The following STARD9 variants were observed in gnomAD, a reference collection of about 807,000 sequenced individuals.
The protein encoded by STARD9 is stAR-related lipid transfer protein 9.
A neutral mutation model predicts 399.8 loss-of-function variants in STARD9; 346 were observed. That is an observed-to-expected ratio of 0.87 (90% CI 0.79 to 0.95). The LOEUF is 0.95. STARD9 is among the 40% of genes least tolerant of loss of function. The pLI is 0.00. For synonymous variants in STARD9, 2,203 were observed against 2,143.5 expected, an observed-to-expected ratio of 1.03 and a Z score of -0.77; for missense variants, 5,832 against 5,667.5, an observed-to-expected ratio of 1.03 and a Z score of -0.93.
At chr15:42,589,340 C>A (rs1388783503) in intron 3 of STARD9, among the ~76,000 whole-genome samples, 1 of 152,160 alleles carries the variant, frequency 6.6e-6, no homozygotes, top group Non-Finnish European at 1.5e-5. Flanking sequence ...GCATGAGTCA[C>A]CACGCTTGGC....
At chr15:42,611,716 A>G (rs2058853656) in intron 3 of STARD9, among the ~76,000 whole-genome samples, 1 of 152,106 alleles carries the variant, frequency 6.6e-6, no homozygotes, top group African/African-American at 2.4e-5. Flanking sequence ...TAAACTTGCC[A>G]TTGTATTAGG....
At chr15:42,716,644 C>T in intron 26 of STARD9, 33 bp from the exon 27 acceptor site, 1 of 1,376,482 alleles carries the variant, frequency 7.3e-7, no homozygotes, top group Non-Finnish European at 1.0e-6. Flanking sequence ...TGCTTGCCTT[C>T]TGGCTCTGTC....
At chr15:42,702,296 C>T (rs1469664787) in intron 26 of STARD9, among the ~76,000 whole-genome samples, 13 of 152,026 alleles carry the variant, frequency 8.6e-5, no homozygotes, top group Non-Finnish European at 1.5e-5. Context: ...CTCTGCCTCC[C>T]GGGTTCAAAT....
Position 42,718,114 on chromosome 15 carries a change from C to T in STARD9, c.13697C>T (p.Pro4566Leu), listed in dbSNP as rs1357070170. 2.6e-6 allele frequency: 4 copies of T among 1,537,208 alleles called. No individual in the cohort carries two copies. The African/African-American group carries it at 5.5e-5, about 21-fold the overall frequency. ...GCTGTCAGTGACCCCACTGTGTGGC[C>T]CCTGTATTACAAGCCCATCCAGACA... ...WAAVSDPTVW[P>L]LYYKPIQTAR... is the part of the protein sequence containing the mutation. Residue 4566 changes from proline (P) to leucine (L), a missense_variant, in exon 30 of 33, where the codon CCC becomes CTC. Coordinates refer to ENST00000290607, the MANE Select transcript of STARD9 (RefSeq NM_020759.3).
At chr15:42,619,607 C>A (rs1204288552) in intron 3 of STARD9, among the ~76,000 whole-genome samples, 1 of 151,822 alleles carries the variant, frequency 6.6e-6, no homozygotes, top group Non-Finnish European at 1.5e-5. Flanking sequence ...CTCGCAGGCA[C>A]CTGTGCAGTT....
At chr15:42,638,646 G>T in intron 6 of STARD9, 54 bp from the exon 7 acceptor site, 2 of 1,282,520 alleles carry the variant, frequency 1.6e-6, no homozygotes, top group Non-Finnish European at 2.2e-6. Flanking sequence ...GCTCAATGTT[G>T]TTTCTACTTT....
At chr15:42,673,624 A>C (rs2060247773) in intron 16 of STARD9, among the ~76,000 whole-genome samples, 1 of 152,196 alleles carries the variant, frequency 6.6e-6, no homozygotes, top group East Asian at 1.9e-4. Flanking sequence ...TTAAAGGATA[A>C]AGTAATATGA....
At chr15:42,699,398 T>C (rs1038471209) in intron 26 of STARD9, among the ~76,000 whole-genome samples, 5 of 140,170 alleles carry the variant, frequency 3.6e-5, no homozygotes, top group South Asian at 2.2e-4. Context: ...TTTTCTTTTT[T>C]TTTTTTTTTT....
rs200378215 is a variant in STARD9, at chr15:42,663,618, A to G, written c.1078+128A>G. ...GGGACTGGTACTCTATCTCAGAGAA[A>G]GGGCCATGGCCCCAGTGAGTGGGAT... On this transcript the variant is annotated intron_variant, in intron 12 of 32. Transcript: ENST00000290607. 3.3e-3 allele frequency: 2,036 copies of G among 615,146 alleles called. 9 individuals are homozygous for G. The highest frequency in any genetic ancestry group is 4.8e-3 in the Non-Finnish European group (1,677 of 347,898). The allele number at this position is 615,146 out of a possible 1,614,324, so 38.1% of individuals were successfully genotyped here. A position where few individuals can be genotyped will look rare whatever the true frequency, so the allele number is the denominator to read the frequency against.
rs115890477 is a variant in STARD9, at chr15:42,717,739, T to C, written c.13503T>C (p.Ala4501=). The C allele has an allele frequency of 6.5e-7, 1 of 1,537,228 alleles. No homozygotes were observed. Among genetic ancestry groups the C allele is most frequent in the African/African-American group, 1.4e-5 (1 of 73,150 alleles). The change falls in exon 29 of 33, where the codon GCT becomes GCC. Residue 4501 remains alanine (A), a synonymous_variant. Transcript: ENST00000290607. Reference sequence around the variant, plus strand: ...GGCCATTGTGTCCCCAGGTAATGGCTGCTTGTTCGGATAATTTGCACAACC... The same window carrying C: ...GGCCATTGTGTCCCCAGGTAATGGCCGCTTGTTCGGATAATTTGCACAACC... ...VVDTSMADVM[A]ACSDNLHNLF... is the part of the protein sequence containing the mutation.
intron 26 of STARD9, among the ~76,000 whole-genome samples, chr15:42,713,597 C>T (rs1286098821): frequency 6.6e-6 from 1 of 152,132 alleles, no homozygotes; most frequent in African/African-American, 2.4e-5. Context: ...ATATTTTTAT[C>T]ATGAAAAGGT....
rs1478506567 is a variant in STARD9 at position 42,716,763 on chromosome 15, C to G, written c.13371C>G (p.Tyr4457Ter). The change falls in exon 27 of 33, where the codon TAC becomes TAG. Residue 4457 changes from tyrosine (Y) to a stop codon, truncating the protein, a stop_gained and splice_region_variant. Transcript: ENST00000290607. LOFTEE classifies it high-confidence loss of function. Reference sequence around the variant, plus strand: ...CTGCAGTGAGGAAGAACTCTGCCTACAGTGAGTTGCGGGGAGTGTTGGGCA... The same window carrying G: ...CTGCAGTGAGGAAGAACTCTGCCTAGAGTGAGTTGCGGGGAGTGTTGGGCA... ...GHSAVRKNSA[Y>*]SHRASLGSCC... 6.5e-7 allele frequency: 1 copy of G among 1,535,374 alleles called. No homozygotes were observed. The highest frequency in any genetic ancestry group is 1.7e-4 in the Middle Eastern group (1 of 5,974).
At chr15:42,599,166 C>T (rs746163813) in intron 3 of STARD9, among the ~76,000 whole-genome samples, 4 of 152,160 alleles carry the variant, frequency 2.6e-5, no homozygotes, top group Admixed American at 2.6e-4. Flanking sequence ...TCAGGTGCTC[C>T]ACCTGCCTTG....
intron 8 of STARD9, 111 bp from the exon 9 acceptor site, chr15:42,652,409 A>G (rs1307301788): frequency 3.3e-6 from 3 of 895,698 alleles, no homozygotes; most frequent in Admixed American, 2.1e-5. Flanking sequence ...GTGTTTTATG[A>G]TTCTTGTCGG....
intron 3 of STARD9, among the ~76,000 whole-genome samples, chr15:42,615,436 A>G (rs1231789117): frequency 1.3e-5 from 2 of 152,192 alleles, no homozygotes; most frequent in African/African-American, 4.8e-5. Flanking sequence ...CTTCCTTGGA[A>G]GAATTTCCAT....
chr15:42,665,814 A>T lies in STARD9; in HGVS notation c.1283A>T (p.Asn428Ile). The T allele has an allele frequency of 6.5e-7, 1 of 1,537,130 alleles. No individual in the cohort carries two copies. Among genetic ancestry groups the T allele is most frequent in the Non-Finnish European group, 8.7e-7 (1 of 1,146,842 alleles). ...AACTTCAGTTCATTGAGTGATGAAA[A>T]CCTGAAGGAGCTGGTTCTCCAAAAT... is the stretch of plus-strand genomic sequence containing the variant. ...LRNFSSLSDE[N>I]LKELVLQNEL... is the part of the protein sequence containing the mutation. Residue 428 changes from asparagine to isoleucine, a missense_variant, in exon 15 of 33, where the codon AAC becomes ATC. Asn to Ile is a moderately radical substitution (Grantham distance 149, BLOSUM62 -3). Coordinates refer to ENST00000290607, the MANE Select transcript of STARD9 (RefSeq NM_020759.3).
In STARD9 at chr15:42,596,878, C is replaced by T. The variant is rs1262519951; in HGVS notation, c.234+11241C>T. On this transcript the variant is annotated intron_variant, in intron 3 of 32. Transcript: ENST00000290607. Reference sequence around the variant, plus strand: ...AGTACAGAAGACTATAATGGTAAAACTAGAAAAGCCTTCCCTTTCTATACC... The same window carrying T: ...AGTACAGAAGACTATAATGGTAAAATTAGAAAAGCCTTCCCTTTCTATACC... Among the ~76,000 whole-genome samples the T allele has an allele frequency of 3.9e-5, 6 of 152,188 alleles. No homozygotes were observed. In the East Asian group the frequency reaches 1.2e-3, roughly 29 times the overall value.
rs530099314 is a variant in STARD9, at chr15:42,652,551, A to G, written c.661A>G (p.Ser221Gly). ...ITAATHVHEA[S>G]SRSHAIFTIH... Reference sequence around the variant, plus strand: ...AGCAGCCACCCATGTTCATGAGGCCAGCAGCAGATCCCACGCCATTTTCAC... The same window carrying G: ...AGCAGCCACCCATGTTCATGAGGCCGGCAGCAGATCCCACGCCATTTTCAC... Residue 221 changes from serine to glycine, a missense_variant, in exon 9 of 33, where the codon AGC becomes GGC. Transcript: ENST00000290607. 6.5e-7 allele frequency: 1 copy of G among 1,537,576 alleles called. No individual in the cohort carries two copies. The highest frequency in any genetic ancestry group is 1.2e-5 in the South Asian group (1 of 84,066).
At chr15:42,589,647 C>A (rs1474863900) in intron 3 of STARD9, among the ~76,000 whole-genome samples, 1 of 150,918 alleles carries the variant, frequency 6.6e-6, no homozygotes, top group East Asian at 1.9e-4. Flanking sequence ...GCTCTTGTTG[C>A]CTAGGCTGGA....
Sources: gnomAD v4.1 joint callset for allele counts (sites outside exome capture counted in the v4.1 genomes callset) on GRCh38, gnomAD v4.1.1 for gene constraint, MANE v1.5 for transcripts, NCBI Gene and HGNC (gene_info 2026-07-23, HGNC 2026-07-21) for gene names.